TRIM5: variants seen among roughly 807,000 people sequenced by gnomAD.
TRIM5 encodes tripartite motif-containing protein 5.
A neutral mutation model predicts 35.6 loss-of-function variants in TRIM5; 31 were observed. The ratio of observed to expected loss-of-function variants is 0.87; its 90% CI spans 0.65 to 1.18. TRIM5 has a LOEUF of 1.18. Ranked by LOEUF, TRIM5 falls within the 50% of genes most tolerant of loss-of-function variation. TRIM5 has a pLI of 0.00. For synonymous variants in TRIM5, 243 were observed against 215.6 expected (o/e 1.13, Z -1.11); for missense variants, 609 against 591.6 (o/e 1.03, Z -0.31).
chr11:5,592,409 C>T, the TRIM5 span, among the ~76,000 whole-genome samples: 2 of 151,870 alleles, frequency 1.3e-5, no homozygotes, highest in Non-Finnish European at 2.9e-5. Context: ...AAACTGAGGC[C>T]CAAGAGAGGT....
chr11:5,634,818 A>G, the TRIM5 span: 1 of 1,613,572 alleles, frequency 6.2e-7, no homozygotes, highest in Admixed American at 1.7e-5. Context: ...CTCATCTCAG[A>G]TGTGGAGTGT....
At chr11:5,629,263 C>T in the TRIM5 span, among the ~76,000 whole-genome samples, 14 of 151,730 alleles carry the variant, frequency 9.2e-5, no homozygotes, top group African/African-American at 2.7e-4. Context: ...GGCGACAGAG[C>T]GAAACTCCAT....
chr11:5,652,729 A>G, the TRIM5 span, among the ~76,000 whole-genome samples: 1 of 152,180 alleles, frequency 6.6e-6, no homozygotes, highest in Non-Finnish European at 1.5e-5. Flanking sequence ...TGATAGGAAT[A>G]GCACTGAATT....
chr11:5,678,489 A>G (rs1852169452), intron 3 of TRIM5, 55 bp from the exon 4 acceptor site: 2 of 1,405,608 alleles, frequency 1.4e-6, no homozygotes, highest in Non-Finnish European at 1.9e-6. Context: ...AGAGGCTGTT[A>G]GCCAGAAAAG....
chr11:5,653,557 T>C, the TRIM5 span, among the ~76,000 whole-genome samples: 1 of 151,044 alleles, frequency 6.6e-6, no homozygotes, highest in Non-Finnish European at 1.5e-5. Flanking sequence ...AGTGGAGTGA[T>C]CTCGACTCAC....
intron 6 of TRIM5, 79 bp downstream of exon 6, chr11:5,665,902 A>C: frequency 7.0e-7 from 1 of 1,426,574 alleles, no homozygotes; most frequent in South Asian, 1.3e-5. Flanking sequence ...CCATATTTGG[A>C]AACTGCACCC....
chr11:5,608,248 G>A, the TRIM5 span: 3 of 1,418,440 alleles, frequency 2.1e-6, no homozygotes, highest in African/African-American at 4.3e-5. Context: ...TCTCTACTTT[G>A]TGGCCTCCAC....
At chr11:5,617,864 G>A in the TRIM5 span, among the ~76,000 whole-genome samples, 1 of 152,000 alleles carries the variant, frequency 6.6e-6, no homozygotes, top group Non-Finnish European at 1.5e-5. Flanking sequence ...ATGAGAAAAT[G>A]GAGGTACAGT....
chr11:5,655,192 T>TA, the TRIM5 span, among the ~76,000 whole-genome samples: 734 of 118,016 alleles, frequency 6.2e-3, 6 homozygotes, highest in African/African-American at 0.017. Flanking sequence ...AAACTCCGTC[T>TA]AAAAAAAAAA....
At chr11:5,595,448 G>A in the TRIM5 span, 1 of 152,200 alleles carries the variant, frequency 6.6e-6, no homozygotes, top group Non-Finnish European at 1.5e-5. Flanking sequence ...TTAAACTGAT[G>A]AATTTTAATG....
At chr11:5,629,106 G>A in the TRIM5 span, among the ~76,000 whole-genome samples, 5 of 152,052 alleles carry the variant, frequency 3.3e-5, no homozygotes, top group South Asian at 2.1e-4. Flanking sequence ...GTGAAACCCC[G>A]TCTCTACTAA....
the TRIM5 span, among the ~76,000 whole-genome samples, chr11:5,613,508 T>C: frequency 2.0e-5 from 3 of 152,196 alleles, no homozygotes; most frequent in African/African-American, 7.2e-5. Context: ...AAACTCCTTA[T>C]CCTGGTCTGC....
the TRIM5 span, among the ~76,000 whole-genome samples, chr11:5,638,318 A>G: frequency 1.4e-4 from 21 of 152,262 alleles, no homozygotes; most frequent in Non-Finnish European, 2.8e-4. Context: ...AGGCACAGAG[A>G]GGCCAGAATT....
the TRIM5 span, among the ~76,000 whole-genome samples, chr11:5,607,416 T>G: frequency 3.3e-5 from 5 of 152,176 alleles, no homozygotes; most frequent in South Asian, 1.0e-3. Context: ...CCAGTTTGAG[T>G]TGTGCCTCTA....
At chr11:5,637,871 G>A in the TRIM5 span, among the ~76,000 whole-genome samples, 49 of 152,264 alleles carry the variant, frequency 3.2e-4, no homozygotes, top group African/African-American at 1.1e-3. Context: ...TCTTATAAGG[G>A]TCTGTTGCAT....
chr11:5,590,306 T>C, the TRIM5 span: 175 of 154,904 alleles, frequency 1.1e-3, no homozygotes, highest in Non-Finnish European at 2.2e-3. Flanking sequence ...CTGCAGCCCC[T>C]GTGTGGGATC....
the TRIM5 span, chr11:5,632,182 T>A: frequency 1.3e-6 from 2 of 1,513,688 alleles, no homozygotes; most frequent in South Asian, 1.3e-5. Flanking sequence ...TCTCGGCCAG[T>A]CTTTATTGTC....
chr11:5,679,224 T>TA, intron 2 of TRIM5, 55 bp from the exon 3 acceptor site: 1 of 1,464,412 alleles, frequency 6.8e-7, no homozygotes, highest in Middle Eastern at 1.7e-4. Flanking sequence ...AGCACCTAGA[T>TA]AGAGTATAAA....
In TRIM5 at chr11:5,678,854, C is replaced by A. The variant is rs55744488; in HGVS notation, c.513+220G>T. 8.8e-3 allele frequency among the ~76,000 whole-genome samples: 1,342 copies of A among 152,318 alleles called. 11 individuals are homozygous for A. Among genetic ancestry groups the A allele is most frequent in the Non-Finnish European group, 0.015 (1,013 of 68,028 alleles). On this transcript the variant is annotated intron_variant, in intron 3 of 7. Transcript: ENST00000380034. Reference sequence around the variant, plus strand: ...AAAATAGAATGCAGGATTCACTAGCCATCCTCACCAGAGAGATCCTTCATG... The same window carrying A: ...AAAATAGAATGCAGGATTCACTAGCAATCCTCACCAGAGAGATCCTTCATG...
Sources: allele counts gnomAD v4.1 joint callset (sites outside exome capture counted in the v4.1 genomes callset), GRCh38; gene constraint gnomAD v4.1.1; transcripts MANE v1.5; gene names NCBI Gene and HGNC (gene_info 2026-07-23, HGNC 2026-07-21).